DTD1: variants seen among roughly 807,000 people sequenced by gnomAD.
DTD1 encodes the protein D-tyrosyl-tRNA deacylase 1 homolog.
DTD1 carries 13 observed loss-of-function variants against 25.6 expected under a neutral mutation model. The ratio of observed to expected loss-of-function variants is 0.51; its 90% CI spans 0.33 to 0.81. The LOEUF (loss-of-function observed/expected upper bound fraction) is 0.81. Among genes scored for constraint, DTD1 ranks in the 30% least tolerant of loss-of-function variants. The pLI is 0.02. For synonymous variants in DTD1, 110 were observed against 103.6 expected, an observed-to-expected ratio of 1.06 and a Z score of -0.37; for missense variants, 193 against 266.4, an observed-to-expected ratio of 0.72 and a Z score of 1.92.
chr20:18,681,463 A>G (rs16979470), intron 4 of DTD1, among the ~76,000 whole-genome samples: 2,929 of 152,318 alleles, frequency 0.019, 76 homozygotes, highest in African/African-American at 0.054. Context: ...TGGAAATTCT[A>G]TGGGATCCAC....
At position 18,627,660 on chromosome 20, in the gene DTD1, C is replaced by T. The variant is rs550828605; in HGVS notation, c.371-467C>T. The stretch of plus-strand genomic sequence containing the variant: ...TCAACCTCCTTCTCCCACTGTGACC[C>T]GGGTTTTGGATCACGCTGATCTAGG... On this transcript the variant is annotated intron_variant, in intron 3 of 5. Transcript: ENST00000377452. Among the ~76,000 whole-genome samples, 6 of 152,236 alleles carry T rather than the reference C, an allele frequency of 3.9e-5. No individual in the cohort carries two copies. In the South Asian group the frequency reaches 6.2e-4, roughly 16 times the overall value.
intron 4 of DTD1, among the ~76,000 whole-genome samples, chr20:18,658,970 C>T (rs1035217198): frequency 6.6e-6 from 1 of 151,984 alleles, no homozygotes; most frequent in Non-Finnish European, 1.5e-5. Flanking sequence ...AAAGGTGGCA[C>T]ATTTGTGCAC....
At chr20:18,722,670 G>C (rs2061208708) in intron 4 of DTD1, among the ~76,000 whole-genome samples, 1 of 152,070 alleles carries the variant, frequency 6.6e-6, no homozygotes, top group African/African-American at 2.4e-5. Context: ...GTTCATCATG[G>C]GCACACTCAG....
At chr20:18,715,166 C>T (rs1430619352) in intron 4 of DTD1, among the ~76,000 whole-genome samples, 2 of 152,136 alleles carry the variant, frequency 1.3e-5, no homozygotes, top group African/African-American at 4.8e-5. Flanking sequence ...TGACCAACTA[C>T]TGTCATACAC....
chr20:18,704,883 C>T (rs922145078), intron 4 of DTD1, among the ~76,000 whole-genome samples: 1 of 152,110 alleles, frequency 6.6e-6, no homozygotes, highest in Non-Finnish European at 1.5e-5. Context: ...CATACAGGTT[C>T]CTATTTTGCC....
intron 4 of DTD1, 49 bp downstream of exon 4, chr20:18,628,282 A>G (rs1222283919): frequency 1.4e-6 from 2 of 1,469,054 alleles, no homozygotes; most frequent in Non-Finnish European, 9.5e-7. Context: ...TGCCTGTAAC[A>G]TCCCTTTAGT....
chr20:18,713,960 C>G (rs567611595), intron 4 of DTD1, among the ~76,000 whole-genome samples: 7 of 152,158 alleles, frequency 4.6e-5, no homozygotes, highest in Non-Finnish European at 7.4e-5. Flanking sequence ...TCATCCAGAG[C>G]CTGGTCTGAC....
chr20:18,714,792 A>G (rs547117499), intron 4 of DTD1, among the ~76,000 whole-genome samples: 1 of 152,316 alleles, frequency 6.6e-6, no homozygotes, highest in South Asian at 2.1e-4. Flanking sequence ...ATTTCTCCTC[A>G]GGGCAAAACT....
chr20:18,739,491 G>A (rs542798699), intron 4 of DTD1, among the ~76,000 whole-genome samples: 3 of 152,272 alleles, frequency 2.0e-5, no homozygotes, highest in East Asian at 1.9e-4. Context: ...TCTCTAAGGC[G>A]CTAAAGCCAG....
chr20:18,721,502 T>A (rs965481013), intron 4 of DTD1, among the ~76,000 whole-genome samples: 10 of 152,252 alleles, frequency 6.6e-5, no homozygotes, highest in Non-Finnish European at 1.5e-4. Flanking sequence ...GAGCTTAGTT[T>A]ATCATTTTCC....
At chr20:18,680,496 C>T (rs1375283760) in intron 4 of DTD1, among the ~76,000 whole-genome samples, 1 of 149,872 alleles carries the variant, frequency 6.7e-6, no homozygotes, top group African/African-American at 2.5e-5. Flanking sequence ...CGCATCTGGG[C>T]CTCCCAATGT....
In DTD1 at chr20:18,688,887, G is replaced by A. The variant is rs187398248; in HGVS notation, c.478-55213G>A. Among the ~76,000 whole-genome samples, 159 of 152,160 alleles carry A rather than the reference G, an allele frequency of 1.0e-3. 2 individuals are homozygous for A. The highest frequency in any genetic ancestry group is 3.5e-3 in the Admixed American group (54 of 15,274). On this transcript the variant is annotated intron_variant, in intron 4 of 5. Transcript: ENST00000377452. Reference sequence around the variant, plus strand: ...ATCCTCATTCCCTGGGGTGGCCTGTGGGGGGTGGGGAGGTATGTGTTAGCA... The same window carrying A: ...ATCCTCATTCCCTGGGGTGGCCTGTAGGGGGTGGGGAGGTATGTGTTAGCA...
At chr20:18,714,036 A>G (rs1209823876) in intron 4 of DTD1, among the ~76,000 whole-genome samples, 2 of 152,186 alleles carry the variant, frequency 1.3e-5, no homozygotes, top group African/African-American at 4.8e-5. Flanking sequence ...GAAGGCCCAA[A>G]GGTCTGCACG....
intron 3 of DTD1, among the ~76,000 whole-genome samples, chr20:18,601,226 G>A (rs923150492): frequency 3.3e-5 from 5 of 152,058 alleles, no homozygotes; most frequent in Non-Finnish European, 4.4e-5. Flanking sequence ...CCGGCCAGGC[G>A]TCGTGCTTCA....
chr20:18,737,392 C>T (rs1386097170), intron 4 of DTD1, among the ~76,000 whole-genome samples: 3 of 152,220 alleles, frequency 2.0e-5, no homozygotes, highest in Admixed American at 6.5e-5. Flanking sequence ...TTGGGGCTTG[C>T]CTGCCCTGGA....
chr20:18,624,999 G>T (rs1189071878), intron 3 of DTD1, among the ~76,000 whole-genome samples: 1 of 152,196 alleles, frequency 6.6e-6, no homozygotes, highest in Non-Finnish European at 1.5e-5. Context: ...CCATAGTTAG[G>T]TATTTTGGGT....
At chr20:18,642,386 A>T (rs774556312) in intron 4 of DTD1, among the ~76,000 whole-genome samples, 81 of 152,106 alleles carry the variant, frequency 5.3e-4, no homozygotes, top group Non-Finnish European at 1.1e-3. Context: ...GGGTAGTGTG[A>T]TGCCTCTTGT....
intron 4 of DTD1, among the ~76,000 whole-genome samples, chr20:18,686,530 A>G (rs2061017204): frequency 1.3e-5 from 2 of 152,174 alleles, no homozygotes; most frequent in South Asian, 2.1e-4. Flanking sequence ...ATTCTTCCCA[A>G]TATTGTATAT....
intron 4 of DTD1, among the ~76,000 whole-genome samples, chr20:18,642,583 C>T (rs975220781): frequency 2.0e-5 from 3 of 152,046 alleles, no homozygotes; most frequent in African/African-American, 7.2e-5. Context: ...TGTTTACCCT[C>T]TTCAGAAGGC....
Sources: gnomAD v4.1 joint callset for allele counts (sites outside exome capture counted in the v4.1 genomes callset) on GRCh38, gnomAD v4.1.1 for gene constraint, MANE v1.5 for transcripts, NCBI Gene and HGNC (gene_info 2026-07-23, HGNC 2026-07-21) for gene names.